The following FKBP5 variants were observed in gnomAD, a reference collection of about 807,000 sequenced individuals.
The protein encoded by FKBP5 is peptidyl-prolyl cis-trans isomerase FKBP5.
FKBP5 carries 23 observed loss-of-function variants against 50.5 expected under a neutral mutation model. That is an observed-to-expected ratio of 0.46 (90% CI 0.33 to 0.65). FKBP5 has a LOEUF of 0.65. Among genes scored for constraint, FKBP5 ranks in the 30% least tolerant of loss-of-function variants. The pLI is 0.02. For missense variants in FKBP5, 411 were observed against 553.1 expected, an observed-to-expected ratio of 0.74 and a Z score of 2.58; for synonymous variants, 176 against 190.6, an observed-to-expected ratio of 0.92 and a Z score of 0.63.
At position 35,651,178 on chromosome 6, in the gene FKBP5, C is replaced by T. The variant is rs1764788066; in HGVS notation, c.-19-8335G>A. ...GAAGAAGTTTGGAAAGATAACTTAC[C>T]AAACTGCTCAAACAGTGTTACCTCT... On this transcript the variant is annotated intron_variant, in intron 1 of 10. Transcript: ENST00000357266. 2.0e-5 allele frequency among the ~76,000 whole-genome samples: 3 copies of T among 152,104 alleles called. No individual in the cohort carries two copies. The South Asian group carries it at 6.2e-4, about 32-fold the overall frequency.
intron 9 of FKBP5, among the ~76,000 whole-genome samples, chr6:35,577,512 T>G (rs1286211467): frequency 6.6e-6 from 1 of 151,868 alleles, no homozygotes; most frequent in Non-Finnish European, 1.5e-5. Flanking sequence ...CTGAAAAAAT[T>G]TGGGAAAAAA....
intron 3 of FKBP5, among the ~76,000 whole-genome samples, chr6:35,630,605 C>A (rs1764127301): frequency 1.3e-5 from 2 of 152,308 alleles, no homozygotes; most frequent in South Asian, 2.1e-4. Context: ...TAACCAGGAC[C>A]TACTTCATTT....
intron 2 of FKBP5, among the ~76,000 whole-genome samples, chr6:35,712,112 T>C (rs1766427158): frequency 6.6e-6 from 1 of 150,422 alleles, no homozygotes; most frequent in Non-Finnish European, 1.5e-5. Context: ...ACTTCTGGGC[T>C]CAAGCAATCC....
chr6:35,718,491 G>T (rs1475736600), intron 2 of FKBP5, among the ~76,000 whole-genome samples: 1 of 152,160 alleles, frequency 6.6e-6, no homozygotes, highest in Non-Finnish European at 1.5e-5. Context: ...CTGAATCAGG[G>T]ATCCCTGTTC....
At chr6:35,723,641 G>A (rs1766651618) in intron 1 of FKBP5, among the ~76,000 whole-genome samples, 1 of 152,220 alleles carries the variant, frequency 6.6e-6, no homozygotes, top group South Asian at 2.1e-4. Context: ...AAAGAAGAAT[G>A]AACTCAGAGA....
chr6:35,662,857 G>C (rs769372807), intron 1 of FKBP5, among the ~76,000 whole-genome samples: 1 of 152,140 alleles, frequency 6.6e-6, no homozygotes, highest in African/African-American at 2.4e-5. Flanking sequence ...GTAAGACCCT[G>C]TTCTAGGAGC....
intron 5 of FKBP5, among the ~76,000 whole-genome samples, chr6:35,601,702 A>C (rs1340790110): frequency 6.6e-6 from 1 of 152,152 alleles, no homozygotes; most frequent in Non-Finnish European, 1.5e-5. Context: ...ATCGTGACTC[A>C]CTGGGAGTGC....
At chr6:35,693,241 C>T (rs371244191), upstream of FKBP5, among the ~76,000 whole-genome samples, 1 of 145,702 alleles carries the variant, frequency 6.9e-6, no homozygotes, top group Non-Finnish European at 1.5e-5. Context: ...CAGCTCACTG[C>T]AAGCTCCGCC....
intron 1 of FKBP5, among the ~76,000 whole-genome samples, chr6:35,647,919 A>C (rs1764674397): frequency 6.6e-6 from 1 of 152,184 alleles, no homozygotes; most frequent in Admixed American, 6.5e-5. Flanking sequence ...TTCTAGCATT[A>C]TTTCTTTTCC....
chr6:35,728,311 C>G (rs1766766119), intron 1 of FKBP5, among the ~76,000 whole-genome samples: 1 of 151,890 alleles, frequency 6.6e-6, no homozygotes, highest in Non-Finnish European at 1.5e-5. Flanking sequence ...CGCGCCCCAG[C>G]CTGCCGCGCG....
intron 5 of FKBP5, among the ~76,000 whole-genome samples, chr6:35,600,994 CTG>C (rs1763129513): frequency 6.6e-6 from 1 of 152,132 alleles, no homozygotes; most frequent in African/African-American, 2.4e-5. Context: ...AAAAGTCAAA[CTG>C]TAACAAAGGC....
At chr6:35,689,716 C>A (rs1031112114), upstream of FKBP5, among the ~76,000 whole-genome samples, 1 of 152,000 alleles carries the variant, frequency 6.6e-6, no homozygotes, top group Non-Finnish European at 1.5e-5. Flanking sequence ...TGGCGCGCGC[C>A]GTCCCAGCTA....
chr6:35,687,456 G>T (rs936830753), intron 1 of FKBP5, among the ~76,000 whole-genome samples: 1 of 152,138 alleles, frequency 6.6e-6, no homozygotes, highest in African/African-American at 2.4e-5. Flanking sequence ...AAGAGAAGCA[G>T]CTCCCTTTAG....
chr6:35,696,184 T>C (rs1253588160), intron 2 of FKBP5, among the ~76,000 whole-genome samples: 1 of 146,998 alleles, frequency 6.8e-6, no homozygotes. Flanking sequence ...TAGTGGAATG[T>C]ATGCAGAGGT....
At chr6:35,700,781 A>G (rs1561901657) in intron 2 of FKBP5, among the ~76,000 whole-genome samples, 1 of 151,526 alleles carries the variant, frequency 6.6e-6, no homozygotes, top group African/African-American at 2.4e-5. Context: ...AATATGGCGA[A>G]ACCCTGTCTC....
At position 35,575,101 on chromosome 6, in the gene FKBP5, C is replaced by G. The variant is rs1429997294; in HGVS notation, c.*734G>C. On this transcript the variant is annotated 3_prime_UTR_variant, in exon 11 of 11. Coordinates refer to ENST00000357266, the MANE Select transcript of FKBP5 (RefSeq NM_004117.4). ...TAGGAAAAGCTAATCCAGAAACTCTCATCTGCTCATTATCATTGCTGAAGG... is the reference window on the plus strand; with the variant it reads ...TAGGAAAAGCTAATCCAGAAACTCTGATCTGCTCATTATCATTGCTGAAGG... 1 of 152,216 alleles carries G rather than the reference C, an allele frequency of 6.6e-6. No homozygotes were observed. The highest frequency in any genetic ancestry group is 1.9e-4 in the East Asian group (1 of 5,192). 9.4% of individuals were successfully genotyped at this position (152,216 alleles called of 1,614,324 possible).
intron 8 of FKBP5, chr6:35,583,493 T>G: frequency 2.0e-6 from 2 of 985,482 alleles, no homozygotes; most frequent in Non-Finnish European, 2.4e-6. Flanking sequence ...TAACTTTATT[T>G]AGACTTCAAC....
intron 3 of FKBP5, 152 bp downstream of exon 3, chr6:35,636,862 T>C (rs1012452875): frequency 1.7e-5 from 10 of 581,552 alleles, no homozygotes; most frequent in African/African-American, 1.2e-4. Flanking sequence ...CCTAAAAAGA[T>C]CTCAGAGAGC....
intron 8 of FKBP5, chr6:35,584,590 C>T (rs769037561): frequency 3.8e-5 from 37 of 985,292 alleles, no homozygotes; most frequent in Middle Eastern, 5.2e-4. Flanking sequence ...TATCTACTAA[C>T]CATTTTGAAG....
Sources: allele counts gnomAD v4.1 joint callset (sites outside exome capture counted in the v4.1 genomes callset), GRCh38; gene constraint gnomAD v4.1.1; transcripts MANE v1.5; gene names NCBI Gene and HGNC (gene_info 2026-07-23, HGNC 2026-07-21).